The following CNTLN variants were observed in gnomAD, a reference collection of about 807,000 sequenced individuals.
CNTLN encodes centlein, centrosomal protein.
A neutral mutation model predicts 180.0 loss-of-function variants in CNTLN; 212 were observed. That is an observed-to-expected ratio of 1.18 (90% CI 1.05 to 1.32). CNTLN has a LOEUF of 1.32. Ranked by LOEUF, CNTLN falls within the 40% of genes most tolerant of loss-of-function variation. CNTLN has a pLI of 0.00. For missense variants in CNTLN, 2,095 were observed against 1,610.9 expected (o/e 1.30, Z -5.14); for synonymous variants, 722 against 563.1 (o/e 1.28, Z -3.99).
intron 8 of CNTLN, among the ~76,000 whole-genome samples, chr9:17,319,375 A>G (rs989598144): frequency 1.3e-5 from 2 of 152,212 alleles, no homozygotes; most frequent in Non-Finnish European, 2.9e-5. Flanking sequence ...TGGTCTAGCG[A>G]TCATACTTTA....
At chr9:17,458,251 G>A (rs144124008) in intron 19 of CNTLN, among the ~76,000 whole-genome samples, 322 of 151,614 alleles carry the variant, frequency 2.1e-3, no homozygotes, top group Admixed American at 5.3e-3. Context: ...AAGACCAAGC[G>A]AAACTGTCAG....
chr9:17,201,652 G>A (rs900519741), intron 2 of CNTLN, among the ~76,000 whole-genome samples: 1 of 152,104 alleles, frequency 6.6e-6, no homozygotes, highest in Admixed American at 6.5e-5. Context: ...TCTGATGGTA[G>A]TTTGTATTTC....
intron 1 of CNTLN, among the ~76,000 whole-genome samples, chr9:17,135,884 GT>G (rs1817680668): frequency 6.6e-6 from 1 of 152,188 alleles, no homozygotes; most frequent in Non-Finnish European, 1.5e-5. Context: ...ACTTGGCTTT[GT>G]TTTTACCCAG....
intron 13 of CNTLN, among the ~76,000 whole-genome samples, chr9:17,371,964 G>A (rs2133493185): frequency 6.6e-6 from 1 of 152,052 alleles, no homozygotes; most frequent in Non-Finnish European, 1.5e-5. Flanking sequence ...TACAGCAAAA[G>A]CAATACTAAG....
At chr9:17,364,733 A>G in intron 12 of CNTLN, among the ~76,000 whole-genome samples, 1 of 151,648 alleles carries the variant, frequency 6.6e-6, no homozygotes, top group Non-Finnish European at 1.5e-5. Flanking sequence ...TCTCCCATAC[A>G]TTTTCTTAGT....
At chr9:17,149,918 T>C (rs549094744) in intron 2 of CNTLN, among the ~76,000 whole-genome samples, 3 of 152,314 alleles carry the variant, frequency 2.0e-5, no homozygotes, top group African/African-American at 7.2e-5. Flanking sequence ...TGATGAGCAT[T>C]TTTTCATATG....
At chr9:17,379,513 G>A (rs898163863) in intron 13 of CNTLN, among the ~76,000 whole-genome samples, 1 of 152,118 alleles carries the variant, frequency 6.6e-6, no homozygotes, top group Admixed American at 6.5e-5. Context: ...TAGCTTGGAA[G>A]CTCTCTGTAA....
intron 2 of CNTLN, among the ~76,000 whole-genome samples, chr9:17,203,647 C>G (rs1368968471): frequency 6.6e-6 from 1 of 152,186 alleles, no homozygotes; most frequent in East Asian, 1.9e-4. Context: ...AGCTCCACCT[C>G]CCGTGTTCAC....
At chr9:17,397,801 A>G (rs1020051808) in intron 15 of CNTLN, among the ~76,000 whole-genome samples, 4 of 152,180 alleles carry the variant, frequency 2.6e-5, no homozygotes, top group African/African-American at 9.6e-5. Context: ...CTTAAAATAT[A>G]GGATTGTCAT....
intron 2 of CNTLN, among the ~76,000 whole-genome samples, chr9:17,148,649 G>T (rs1007813654): frequency 6.6e-6 from 1 of 152,116 alleles, no homozygotes. Flanking sequence ...TGTGACAAAT[G>T]TGGTACTAAA....
At chr9:17,408,727 G>A (rs1259246415) in intron 15 of CNTLN, among the ~76,000 whole-genome samples, 1 of 151,950 alleles carries the variant, frequency 6.6e-6, no homozygotes, top group Non-Finnish European at 1.5e-5. Context: ...CATGAACCTG[G>A]GAGGCGGAGG....
chr9:17,145,991 A>G (rs1031754633), intron 2 of CNTLN, among the ~76,000 whole-genome samples: 2 of 152,164 alleles, frequency 1.3e-5, no homozygotes, highest in Non-Finnish European at 2.9e-5. Flanking sequence ...TAAATTGAGC[A>G]TACAGTAATG....
At chr9:17,483,369 C>T (rs1411251906) in intron 23 of CNTLN, among the ~76,000 whole-genome samples, 1 of 152,034 alleles carries the variant, frequency 6.6e-6, no homozygotes, top group Non-Finnish European at 1.5e-5. Context: ...TATATTAGTG[C>T]TATCTTGGAT....
chr9:17,264,805 G>A (rs1046141887), intron 5 of CNTLN, among the ~76,000 whole-genome samples: 1 of 151,922 alleles, frequency 6.6e-6, no homozygotes, highest in African/African-American at 2.4e-5. Flanking sequence ...TGAAGCGATT[G>A]TGAATGTGAG....
rs1209515526 is a variant in CNTLN at position 17,466,699 on chromosome 9, T to C, written c.3670-7T>C. 2.5e-6 allele frequency: 4 copies of C among 1,603,950 alleles called. No individual in the cohort carries two copies. In the South Asian group the frequency reaches 4.5e-5, roughly 18 times the overall value. On this transcript the variant is annotated splice_polypyrimidine_tract_variant and splice_region_variant and intron_variant, in intron 22 of 25. Coordinates refer to ENST00000380647, the MANE Select transcript of CNTLN (RefSeq NM_017738.4). ...TCTTTTATTTTATGACTGCTGATCTTTTGCAGGATCTCAAGCTTACTCTCC... is the reference window on the plus strand; with the variant it reads ...TCTTTTATTTTATGACTGCTGATCTCTTGCAGGATCTCAAGCTTACTCTCC...
intron 5 of CNTLN, among the ~76,000 whole-genome samples, chr9:17,270,050 G>A (rs1268027644): frequency 6.6e-6 from 1 of 151,626 alleles, no homozygotes; most frequent in Non-Finnish European, 1.5e-5. Flanking sequence ...CTTTGTTTTT[G>A]TTTTTTTGGT....
At chr9:17,477,750 C>T (rs994635702) in intron 23 of CNTLN, among the ~76,000 whole-genome samples, 12 of 152,186 alleles carry the variant, frequency 7.9e-5, no homozygotes, top group African/African-American at 2.9e-4. Flanking sequence ...TTTCCTGAGA[C>T]GAAATCTCCT....
intron 18 of CNTLN, among the ~76,000 whole-genome samples, chr9:17,437,248 G>A (rs1829833645): frequency 6.6e-6 from 1 of 152,158 alleles, no homozygotes; most frequent in Non-Finnish European, 1.5e-5. Context: ...CAGAATATCT[G>A]TGTCCTATAT....
chr9:17,239,380 T>A (rs199736462), intron 5 of CNTLN, among the ~76,000 whole-genome samples: 2 of 152,374 alleles, frequency 1.3e-5, no homozygotes, highest in East Asian at 3.9e-4. Context: ...ACGTTCTTTA[T>A]CAAGATATAT....
Sources: gnomAD v4.1 joint callset for allele counts (sites outside exome capture counted in the v4.1 genomes callset) on GRCh38, gnomAD v4.1.1 for gene constraint, MANE v1.5 for transcripts, NCBI Gene and HGNC (gene_info 2026-07-23, HGNC 2026-07-21) for gene names.